CPZ: variants seen among roughly 807,000 people sequenced by gnomAD.
CPZ encodes VEZT/CPZ fusion.
Under a neutral mutation model 61.8 loss-of-function variants are expected in CPZ, and 103 were observed. The observed-to-expected ratio is 1.67, with a 90% CI of 1.42 to 1.96. The LOEUF (loss-of-function observed/expected upper bound fraction) is 1.96, where lower values mean the gene tolerates loss of function less well. Among genes scored for constraint, CPZ ranks in the 30% most tolerant of loss-of-function variants. The pLI is 0.00. For synonymous variants in CPZ, 551 were observed against 373.7 expected (o/e 1.47, Z -5.47); for missense variants, 1,461 against 914.9 (o/e 1.60, Z -7.70).
Position 8,618,514 on chromosome 4 carries a change from A to T in CPZ, c.1589A>T (p.His530Leu), listed in dbSNP as rs758480245. 6.2e-7 allele frequency: 1 copy of T among 1,613,880 alleles called. No homozygotes were observed. The highest frequency in any genetic ancestry group is 8.5e-7 in the Non-Finnish European group (1 of 1,180,008). The change falls in exon 10 of 11, where the codon CAC becomes CTC. Residue 530 changes from histidine to leucine, a missense_variant. Coordinates refer to ENST00000360986, the MANE Select transcript of CPZ (RefSeq NM_001014447.3). ...CGGATCTCAGTCAAAGGCATTCGCC[A>T]CGACATCACCACAGGTGAGCACGTC... ...NARISVKGIR[H>L]DITTAPDGDY...
At chr4:8,617,601 A>G (rs374700922) in intron 9 of CPZ, among the ~76,000 whole-genome samples, 4 of 152,234 alleles carry the variant, frequency 2.6e-5, no homozygotes, top group East Asian at 3.9e-4. Context: ...AGTTTCTGGA[A>G]GCACAGCAGG....
intron 7 of CPZ, among the ~76,000 whole-genome samples, chr4:8,610,650 G>A (rs190724418): frequency 3.3e-5 from 5 of 152,344 alleles, no homozygotes; most frequent in Admixed American, 3.3e-4. Context: ...TGTTGGATGT[G>A]ATTCATTCTT....
intron 7 of CPZ, among the ~76,000 whole-genome samples, chr4:8,611,422 C>G (rs1715668813): frequency 6.6e-6 from 1 of 152,152 alleles, no homozygotes; most frequent in African/African-American, 2.4e-5. Context: ...CCAAACATGT[C>G]AAGGGTGGCA....
At chr4:8,611,898 C>T (rs1715729201) in intron 7 of CPZ, 129 bp from the exon 8 acceptor site, 18 of 1,318,594 alleles carry the variant, frequency 1.4e-5, no homozygotes, top group Non-Finnish European at 1.8e-5. Context: ...CTCCTACCTG[C>T]AGACACCATT....
At chr4:8,611,091 C>T (rs1047265204) in intron 7 of CPZ, 14 of 361,920 alleles carry the variant, frequency 3.9e-5, no homozygotes, top group African/African-American at 2.0e-4. Flanking sequence ...CGCTCATTCA[C>T]TCACTCACTC....
chr4:8,606,821 G>A lies in CPZ; in HGVS notation c.991G>A (p.Glu331Lys). The stretch of plus-strand genomic sequence containing the variant: ...CCGAAATTTCCCGGACCTGACGTCC[G>A]AGTACTACCGGCTGGCGGAGACCCG... ...LNRNFPDLTS[E>K]YYRLAETRGA... Residue 331 changes from glutamate (E) to lysine (K), a missense_variant, in exon 6 of 11, where the codon GAG becomes AAG. Glu to Lys is a moderately conservative substitution (Grantham distance 56). Coordinates refer to ENST00000360986, the MANE Select transcript of CPZ (RefSeq NM_001014447.3). 1 of 1,614,080 alleles carries A rather than the reference G, an allele frequency of 6.2e-7. No homozygotes were observed. Among genetic ancestry groups the A allele is most frequent in the Admixed American group, 1.7e-5 (1 of 60,030 alleles).
At chr4:8,599,856 A>C (rs1577109331) in intron 2 of CPZ, 1 of 254,322 alleles carries the variant, frequency 3.9e-6, no homozygotes, top group Non-Finnish European at 7.6e-6. Context: ...TGGGTGAGTC[A>C]CCTCCCCCGC....
intron 7 of CPZ, among the ~76,000 whole-genome samples, chr4:8,609,873 G>A (rs3796733): frequency 0.4 from 60,467 of 152,092 alleles, 13,064 homozygotes; most frequent in Admixed American, 0.55. Context: ...TGGCAGGGGA[G>A]CATGAGAGGG....
intron 1 of CPZ, among the ~76,000 whole-genome samples, chr4:8,593,514 G>T (rs149389718): frequency 6.6e-6 from 1 of 152,220 alleles, no homozygotes; most frequent in Admixed American, 6.5e-5. Flanking sequence ...TGCAGCGGGG[G>T]TGGGGAGCAG....
At chr4:8,603,925 T>TA in intron 3 of CPZ, 51 bp from the exon 4 acceptor site, 1 of 1,525,346 alleles carries the variant, frequency 6.6e-7, no homozygotes, top group East Asian at 2.3e-5. Context: ...CAGGCAGTGG[T>TA]AGGAAGCCTG....
chr4:8,611,368 G>T, intron 7 of CPZ: 1 of 436,430 alleles, frequency 2.3e-6, no homozygotes, highest in Non-Finnish European at 4.7e-6. Flanking sequence ...TCTGGGCTGG[G>T]AAGGGAAGCC....
Position 8,607,361 on chromosome 4 carries a change from A to C in CPZ, c.1163A>C (p.Tyr388Ser), listed in dbSNP as rs1577117272. ...CATGGGGGCGACCTGGTGGTGTCCT[A>C]CCCCTTCGACTTCTCCAAGCACCCC... ...SLHGGDLVVS[Y>S]PFDFSKHPQE... The change falls in exon 7 of 11, where the codon TAC becomes TCC. Residue 388 changes from tyrosine to serine, a missense_variant. Coordinates refer to ENST00000360986, the MANE Select transcript of CPZ (RefSeq NM_001014447.3). 2 of 1,613,864 alleles carry C rather than the reference A, an allele frequency of 1.2e-6. No individual in the cohort carries two copies. Among genetic ancestry groups the C allele is most frequent in the Non-Finnish European group, 1.7e-6 (2 of 1,179,934 alleles).
intron 7 of CPZ, chr4:8,611,087 T>C (rs1000018340): frequency 1.5e-4 from 58 of 391,584 alleles, no homozygotes; most frequent in African/African-American, 9.0e-4. Flanking sequence ...CATTCGCTCA[T>C]TCACTCACTC....
chr4:8,619,092 GTT>G (rs1405688390), intron 10 of CPZ, among the ~76,000 whole-genome samples, 168 bp from the exon 11 acceptor site: 1 of 152,116 alleles, frequency 6.6e-6, no homozygotes, highest in Non-Finnish European at 1.5e-5. Context: ...ATAAATAAGA[GTT>G]TGACAGAGAA....
rs115986865 is a variant in CPZ, at chr4:8,608,358, T to G, written c.1227+933T>G. ...GGGGAAGGAGCAGGGAGAGAGGGAC[T>G]GGCCCTGGGTGGGCAAGTGCCAGGT... On this transcript the variant is annotated intron_variant, in intron 7 of 10. Coordinates refer to ENST00000360986, the MANE Select transcript of CPZ (RefSeq NM_001014447.3). Among the ~76,000 whole-genome samples the G allele has an allele frequency of 1.8e-3, 280 of 152,276 alleles. No homozygotes were observed. In the Middle Eastern group the frequency reaches 0.02, roughly 11 times the overall value.
At chr4:8,603,881 G>A in intron 3 of CPZ, 95 bp from the exon 4 acceptor site, 1 of 1,035,976 alleles carries the variant, frequency 9.7e-7, no homozygotes, top group South Asian at 1.3e-5. Flanking sequence ...GTCGTGCAGA[G>A]GGGACTAAGG....
chr4:8,619,605 G>T lies in CPZ; in HGVS notation c.1947G>T (p.Leu649=), dbSNP rs200000482. Residue 649 remains leucine, a synonymous_variant, in exon 11 of 11, where the codon CTG becomes CTT. Transcript: ENST00000360986. ...TGAGCACCCACAGGCCACGCTGGCTGCTCAAGTACTAGCCCCGGCCCCAGC... is the reference window on the plus strand; with the variant it reads ...TGAGCACCCACAGGCCACGCTGGCTTCTCAAGTACTAGCCCCGGCCCCAGC... ...TSLSTHRPRW[L]LKY 1.3e-6 allele frequency: 2 copies of T among 1,502,558 alleles called. No individual in the cohort carries two copies. The allele number at this position is 1,502,558 out of a possible 1,614,324, so 93.1% of individuals were successfully genotyped here. A position where few individuals can be genotyped will look rare whatever the true frequency, so the allele number is the denominator to read the frequency against.
At chr4:8,608,730 AGGT>A (rs907270319) in intron 7 of CPZ, among the ~76,000 whole-genome samples, 4 of 152,070 alleles carry the variant, frequency 2.6e-5, no homozygotes, top group African/African-American at 9.7e-5. Context: ...GGCTTCCCTG[AGGT>A]GGCGGTTTCC....
In CPZ at chr4:8,595,673, T is replaced by TG. The variant is rs1714125717; in HGVS notation, c.88+2757dup. ...GCACCCACTGGGGCTTGCTGATTGT[T>TG]GGGGGAAGAATTGTGTTTTCCAGAA... On this transcript the variant is annotated intron_variant, in intron 1 of 10. Transcript: ENST00000360986. Among the ~76,000 whole-genome samples the TG allele has an allele frequency of 2.0e-5, 3 of 152,316 alleles. No individual in the cohort carries two copies. In the South Asian group the frequency reaches 6.2e-4, roughly 32 times the overall value.
Sources: gnomAD v4.1 joint callset for allele counts (sites outside exome capture counted in the v4.1 genomes callset) on GRCh38, gnomAD v4.1.1 for gene constraint, MANE v1.5 for transcripts, NCBI Gene and HGNC (gene_info 2026-07-23, HGNC 2026-07-21) for gene names.